Variants in ATP8A1 observed in about 807,000 individuals in gnomAD.
ATP8A1 encodes ATPase phospholipid transporting 8A1.
Under a neutral mutation model 177.7 loss-of-function variants are expected in ATP8A1, and 90 were observed. The observed-to-expected ratio is 0.51, with a 90% confidence interval of 0.43 to 0.60. ATP8A1 has a LOEUF of 0.60. Ranked by LOEUF, ATP8A1 falls within the 20% of genes least tolerant of loss-of-function variation. ATP8A1 has a pLI of 0.00. For missense variants in ATP8A1, 1,072 were observed against 1,392.8 expected, an observed-to-expected ratio of 0.77 and a Z score of 3.67; for synonymous variants, 493 against 485.9, an observed-to-expected ratio of 1.01 and a Z score of -0.19.
At chr4:42,606,339 C>T (rs943689797) in intron 5 of ATP8A1, among the ~76,000 whole-genome samples, 2 of 152,178 alleles carry the variant, frequency 1.3e-5, no homozygotes, top group South Asian at 2.1e-4. Context: ...ACCCTCAACA[C>T]GGGTGTTGAA....
chr4:42,488,795 C>T (rs1223938815), intron 24 of ATP8A1, among the ~76,000 whole-genome samples: 1 of 152,140 alleles, frequency 6.6e-6, no homozygotes, highest in Non-Finnish European at 1.5e-5. Flanking sequence ...GTAAGCCCTC[C>T]CAGGTTCAGT....
At chr4:42,495,917 G>C (rs573982370) in intron 24 of ATP8A1, among the ~76,000 whole-genome samples, 1 of 152,258 alleles carries the variant, frequency 6.6e-6, no homozygotes, top group East Asian at 1.9e-4. Context: ...ACAAATATAG[G>C]TTTCCCAGGA....
intron 2 of ATP8A1, chr4:42,626,760 C>G: frequency 1.9e-6 from 1 of 529,842 alleles, no homozygotes; most frequent in Non-Finnish European, 3.4e-6. Context: ...TATTCAATAT[C>G]TATGCAGCAT....
Position 42,478,501 on chromosome 4 carries a change from A to T in ATP8A1, c.2324+6995T>A, listed in dbSNP as rs539792630. On this transcript the variant is annotated intron_variant, in intron 25 of 36. Coordinates refer to ENST00000381668, the MANE Select transcript of ATP8A1 (RefSeq NM_006095.2). ...GCAAATGGATGGGAACATATGAAAC[A>T]CTTGAGAATATTTTTTCTAAGGTGA... 2.8e-4 allele frequency among the ~76,000 whole-genome samples: 43 copies of T among 152,272 alleles called. 1 individual carries two copies. Among genetic ancestry groups the T allele is most frequent in the African/African-American group, 1.0e-3 (42 of 41,542 alleles).
intron 19 of ATP8A1, among the ~76,000 whole-genome samples, chr4:42,548,455 T>C (rs1560445689): frequency 6.6e-6 from 1 of 152,242 alleles, no homozygotes; most frequent in Non-Finnish European, 1.5e-5. Flanking sequence ...ATGGGGTATA[T>C]GTGATATTTT....
At chr4:42,466,085 A>C (rs1719735248) in intron 25 of ATP8A1, among the ~76,000 whole-genome samples, 1 of 151,776 alleles carries the variant, frequency 6.6e-6, no homozygotes, top group Non-Finnish European at 1.5e-5. Context: ...CAAGGACAGA[A>C]GGGTTCAAAG....
intron 23 of ATP8A1, among the ~76,000 whole-genome samples, chr4:42,504,368 C>G (rs978680995): frequency 1.3e-5 from 2 of 152,210 alleles, no homozygotes; most frequent in African/African-American, 4.8e-5. Flanking sequence ...TCCTCCAGCC[C>G]CCATCAAGAA....
At chr4:42,564,419 G>A (rs754175426) in intron 15 of ATP8A1, among the ~76,000 whole-genome samples, 9 of 152,218 alleles carry the variant, frequency 5.9e-5, no homozygotes, top group Admixed American at 1.3e-4. Context: ...GCTGTACCCT[G>A]CAGAGCTACA....
At chr4:42,656,767 T>TCA (rs1553924676) in intron 1 of ATP8A1, 58 bp downstream of exon 1, 56 of 1,485,918 alleles carry the variant, frequency 3.8e-5, no homozygotes, top group East Asian at 8.1e-5. Context: ...ACACACACGC[T>TCA]CACACACACA....
chr4:42,495,614 GT>G (rs67918221), intron 24 of ATP8A1, among the ~76,000 whole-genome samples: 80,165 of 146,554 alleles, frequency 0.55, 21,728 homozygotes, highest in East Asian at 0.81. Flanking sequence ...GTATTTATTG[GT>G]TTTTTTTTTT....
rs116196617 is a variant in ATP8A1, at chr4:42,449,510, T to C, written c.2896+2471A>G. Reference sequence around the variant, plus strand: ...AAAGGAATAGATGAATATGTAGCTATATATTACACAGCATGTGTAAAGTTC... The same window carrying C: ...AAAGGAATAGATGAATATGTAGCTACATATTACACAGCATGTGTAAAGTTC... On this transcript the variant is annotated intron_variant, in intron 30 of 36. Coordinates refer to ENST00000381668, the MANE Select transcript of ATP8A1 (RefSeq NM_006095.2). Among the ~76,000 whole-genome samples the C allele has an allele frequency of 6.5e-3, 995 of 152,298 alleles. 19 individuals are homozygous for C. The highest frequency in any genetic ancestry group is 0.022 in the African/African-American group (927 of 41,542).
At chr4:42,521,213 T>C (rs1213113469) in intron 22 of ATP8A1, among the ~76,000 whole-genome samples, 1 of 152,202 alleles carries the variant, frequency 6.6e-6, no homozygotes, top group Non-Finnish European at 1.5e-5. Context: ...TGAAGAGTTA[T>C]CTAATGGCAA....
In ATP8A1 at chr4:42,575,707, A is replaced by G; in HGVS notation, c.1129-8T>C. 1.2e-6 allele frequency: 2 copies of G among 1,608,756 alleles called. No individual in the cohort carries two copies. The highest frequency in any genetic ancestry group is 1.7e-6 in the Non-Finnish European group (2 of 1,176,014). Reference sequence around the variant, plus strand: ...ATAGTGCATGTCAAGATCCTTTAATAAAATTAAGTAAATCATTGAACACAA... The same window carrying G: ...ATAGTGCATGTCAAGATCCTTTAATGAAATTAAGTAAATCATTGAACACAA... On this transcript the variant is annotated splice_polypyrimidine_tract_variant and splice_region_variant and intron_variant, in intron 12 of 36. Coordinates refer to ENST00000381668, the MANE Select transcript of ATP8A1 (RefSeq NM_006095.2).
intron 5 of ATP8A1, among the ~76,000 whole-genome samples, chr4:42,608,363 ATT>A (rs748536968): frequency 1.4e-5 from 2 of 138,606 alleles, no homozygotes; most frequent in African/African-American, 2.7e-5. Context: ...CAATAATATC[ATT>A]TTTTTTTTTT....
chr4:42,636,746 G>A (rs1368602335), intron 1 of ATP8A1, among the ~76,000 whole-genome samples: 1 of 152,144 alleles, frequency 6.6e-6, no homozygotes, highest in Non-Finnish European at 1.5e-5. Context: ...TTCCTTTGGA[G>A]AACCCCTCCC....
At chr4:42,515,679 C>T (rs966640442) in intron 22 of ATP8A1, among the ~76,000 whole-genome samples, 2 of 152,254 alleles carry the variant, frequency 1.3e-5, no homozygotes, top group South Asian at 2.1e-4. Flanking sequence ...TCTGGAATGA[C>T]ATTGTTTTAG....
chr4:42,587,752 G>A (rs923618268), intron 8 of ATP8A1, among the ~76,000 whole-genome samples: 3 of 151,742 alleles, frequency 2.0e-5, no homozygotes, highest in Non-Finnish European at 4.4e-5. Flanking sequence ...TACTACAGGC[G>A]CCCGCCACCA....
At chr4:42,635,782 C>CATATATATATAT (rs764452182) in intron 1 of ATP8A1, among the ~76,000 whole-genome samples, 1,817 of 51,784 alleles carry the variant, frequency 0.035, 122 homozygotes, top group Non-Finnish European at 0.049. Flanking sequence ...CACACACACA[C>CATATATATATAT]ATATATATAT....
At chr4:42,422,642 T>C (rs1714112009) in intron 35 of ATP8A1, among the ~76,000 whole-genome samples, 165 bp downstream of exon 35, 1 of 152,208 alleles carries the variant, frequency 6.6e-6, no homozygotes, top group Non-Finnish European at 1.5e-5. Flanking sequence ...GGGCACAGTT[T>C]AGAAAGCGAC....
Sources: allele counts gnomAD v4.1 joint callset (sites outside exome capture counted in the v4.1 genomes callset), GRCh38; gene constraint gnomAD v4.1.1; transcripts MANE v1.5; gene names NCBI Gene and HGNC (gene_info 2026-07-23, HGNC 2026-07-21).